Variants in NKAIN3 observed in about 807,000 individuals in gnomAD.
The protein encoded by NKAIN3 is sodium/potassium transporting ATPase interacting 3, also known as sodium/potassium-transporting ATPase subunit beta-1-interacting protein 3.
NKAIN3 carries 25 observed loss-of-function variants against 30.2 expected under a neutral mutation model. The ratio of observed to expected loss-of-function variants is 0.83; its 90% CI spans 0.60 to 1.16. The LOEUF is 1.16. NKAIN3 is among the 50% of genes most tolerant of loss of function. The pLI is 0.00. For synonymous variants in NKAIN3, 91 were observed against 89.6 expected (o/e 1.02, Z -0.09); for missense variants, 225 against 254.1 (o/e 0.89, Z 0.78).
intron 3 of NKAIN3, among the ~76,000 whole-genome samples, chr8:62,702,834 A>G (rs1223118957): frequency 1.3e-5 from 2 of 152,198 alleles, no homozygotes; most frequent in Non-Finnish European, 2.9e-5. Flanking sequence ...GTTTGGTTTC[A>G]CTTGGATTCC....
intron 1 of NKAIN3, among the ~76,000 whole-genome samples, chr8:62,500,723 G>A (rs1248053051): frequency 6.6e-6 from 1 of 152,158 alleles, no homozygotes. Context: ...CAAGGATACT[G>A]CCGGGACCAA....
At position 62,805,010 on chromosome 8, in the gene NKAIN3, G is replaced by A. The variant is rs1004393726; in HGVS notation, c.471+57881G>A. On this transcript the variant is annotated intron_variant, in intron 4 of 6. Coordinates refer to ENST00000623646, the MANE Select transcript of NKAIN3 (RefSeq NM_001304533.3). Reference sequence around the variant, plus strand: ...CAATCATTCTTATACACCAATAACAGACAAACATAGAGCCAAATCATGAGT... The same window carrying A: ...CAATCATTCTTATACACCAATAACAAACAAACATAGAGCCAAATCATGAGT... 1.0e-3 allele frequency among the ~76,000 whole-genome samples: 153 copies of A among 152,194 alleles called. 2 individuals carry two copies. The highest frequency in any genetic ancestry group is 3.6e-3 in the African/African-American group (150 of 41,538).
At chr8:62,787,094 T>C (rs769068506) in intron 4 of NKAIN3, among the ~76,000 whole-genome samples, 13 of 152,180 alleles carry the variant, frequency 8.5e-5, no homozygotes, top group Admixed American at 2.0e-4. Context: ...TTTCTTGAGA[T>C]GATTCTGTAT....
intron 1 of NKAIN3, among the ~76,000 whole-genome samples, chr8:62,295,730 C>CATAAA (rs200393629): frequency 6.6e-6 from 1 of 152,104 alleles, no homozygotes; most frequent in African/African-American, 2.4e-5. Flanking sequence ...ATCTGCTAAA[C>CATAAA]ATAAAATAAA....
intron 3 of NKAIN3, among the ~76,000 whole-genome samples, chr8:62,637,603 C>G (rs1812174626): frequency 6.6e-6 from 1 of 152,110 alleles, no homozygotes; most frequent in African/African-American, 2.4e-5. Context: ...AATGGACTTC[C>G]AGGCTTACTT....
downstream of NKAIN3, among the ~76,000 whole-genome samples, chr8:62,985,073 G>A (rs1323440087): frequency 6.6e-6 from 1 of 152,140 alleles, no homozygotes; most frequent in Non-Finnish European, 1.5e-5. Context: ...AGGAAACCTG[G>A]TCCCTCCCCT....
In NKAIN3 at chr8:62,308,300, G is replaced by T. The variant is rs11988958; in HGVS notation, c.54+59173G>T. On this transcript the variant is annotated intron_variant, in intron 1 of 6. Transcript: ENST00000623646. The stretch of plus-strand genomic sequence containing the variant: ...CTTGTATGACTGGGGGTGATTGGGT[G>T]CCTTCTGCTTTTGGTGTTTTTGAGG... Among the ~76,000 whole-genome samples the T allele has an allele frequency of 9.7e-3, 1,455 of 150,448 alleles. 139 individuals are homozygous for T. The highest frequency in any genetic ancestry group is 0.034 in the African/African-American group (1,368 of 39,870).
intron 1 of NKAIN3, among the ~76,000 whole-genome samples, chr8:62,504,683 C>A (rs1807575578): frequency 1.3e-5 from 2 of 152,124 alleles, no homozygotes; most frequent in Non-Finnish European, 2.9e-5. Context: ...TTTTCATTTT[C>A]AGGAAACACA....
At chr8:62,806,888 G>C (rs895027284) in intron 4 of NKAIN3, among the ~76,000 whole-genome samples, 3 of 151,696 alleles carry the variant, frequency 2.0e-5, no homozygotes, top group Non-Finnish European at 4.4e-5. Context: ...ATTTCCACTT[G>C]TCTACATGAG....
chr8:62,459,114 C>G (rs563416916), intron 1 of NKAIN3, among the ~76,000 whole-genome samples: 23 of 151,852 alleles, frequency 1.5e-4, no homozygotes, highest in South Asian at 2.1e-4. Flanking sequence ...ACTGGCAGGC[C>G]TCTGTCCTCA....
At chr8:62,703,953 C>A (rs904877658) in intron 3 of NKAIN3, among the ~76,000 whole-genome samples, 2 of 152,100 alleles carry the variant, frequency 1.3e-5, no homozygotes, top group East Asian at 3.9e-4. Context: ...TGTTCATATA[C>A]TCTAAAATTT....
intron 4 of NKAIN3, among the ~76,000 whole-genome samples, chr8:62,828,925 G>A (rs963669065): frequency 6.6e-6 from 1 of 152,138 alleles, no homozygotes; most frequent in African/African-American, 2.4e-5. Flanking sequence ...TCTAGCTCCA[G>A]TCAAACCACC....
chr8:62,747,823 G>C (rs1436285005), intron 4 of NKAIN3, among the ~76,000 whole-genome samples: 1 of 152,266 alleles, frequency 6.6e-6, no homozygotes, highest in South Asian at 2.1e-4. Context: ...CATTTAGTTT[G>C]AGTCAATATC....
At chr8:62,704,214 T>C (rs868828880) in intron 3 of NKAIN3, among the ~76,000 whole-genome samples, 4 of 152,198 alleles carry the variant, frequency 2.6e-5, no homozygotes, top group Non-Finnish European at 5.9e-5. Flanking sequence ...TTCTAGAAGA[T>C]TTTTTAACTG....
At chr8:62,618,367 A>G (rs562249946) in intron 3 of NKAIN3, among the ~76,000 whole-genome samples, 1 of 152,298 alleles carries the variant, frequency 6.6e-6, no homozygotes, top group East Asian at 1.9e-4. Context: ...TTGACTTATC[A>G]GGATCCAAAA....
chr8:62,259,384 A>G (rs901503578), intron 1 of NKAIN3, among the ~76,000 whole-genome samples: 165 of 152,300 alleles, frequency 1.1e-3, no homozygotes, highest in African/African-American at 3.8e-3. Flanking sequence ...TGATAAGGTT[A>G]TATTTGGTAT....
At chr8:62,823,477 T>C (rs1215709326) in intron 4 of NKAIN3, among the ~76,000 whole-genome samples, 1 of 152,146 alleles carries the variant, frequency 6.6e-6, no homozygotes, top group Non-Finnish European at 1.5e-5. Context: ...GATAGCAAAG[T>C]CAAATACAGT....
intron 4 of NKAIN3, among the ~76,000 whole-genome samples, chr8:62,909,858 C>G (rs1821882659): frequency 6.6e-6 from 1 of 152,084 alleles, no homozygotes; most frequent in Admixed American, 6.6e-5. Flanking sequence ...TCTAGTATGG[C>G]ATGTCATTGT....
rs1816168241 is a variant in NKAIN3 at position 62,351,182 on chromosome 8, G to T, written c.54+102055G>T. On this transcript the variant is annotated intron_variant, in intron 1 of 6. Coordinates refer to ENST00000623646, the MANE Select transcript of NKAIN3 (RefSeq NM_001304533.3). ...TAATATAGTCATCCCTCTGTTCCCT[G>T]GGGATTGATTCCAGGATGTCTACAG... Among the ~76,000 whole-genome samples, 3 of 149,716 alleles carry T rather than the reference G, an allele frequency of 2.0e-5. No individual in the cohort carries two copies. The South Asian group carries it at 6.3e-4, about 31-fold the overall frequency.
Sources: gnomAD v4.1 joint callset for allele counts (sites outside exome capture counted in the v4.1 genomes callset) on GRCh38, gnomAD v4.1.1 for gene constraint, MANE v1.5 for transcripts, NCBI Gene and HGNC (gene_info 2026-07-23, HGNC 2026-07-21) for gene names.